Variants in SNX8 observed in about 807,000 individuals in gnomAD.
SNX8 encodes the protein sorting nexin 8.
SNX8 carries 25 observed loss-of-function variants against 51.6 expected under a neutral mutation model. That is an observed-to-expected ratio of 0.48 (90% CI 0.35 to 0.68). The LOEUF is 0.68. Among genes scored for constraint, SNX8 ranks in the 30% least tolerant of loss-of-function variants. SNX8 has a pLI of 0.00. For missense variants in SNX8, 695 were observed against 624.0 expected, an observed-to-expected ratio of 1.11 and a Z score of -1.21; for synonymous variants, 324 against 277.0, an observed-to-expected ratio of 1.17 and a Z score of -1.68.
chr7:2,311,472 C>T (rs1402325342), intron 1 of SNX8, among the ~76,000 whole-genome samples: 3 of 152,198 alleles, frequency 2.0e-5, no homozygotes, highest in African/African-American at 4.8e-5. Flanking sequence ...ATCCTCCCTC[C>T]TCAGCCTCCC....
intron 8 of SNX8, 93 bp from the exon 9 acceptor site, chr7:2,257,607 AG>A (rs1795222405): frequency 6.4e-7 from 1 of 1,571,110 alleles, no homozygotes; most frequent in African/African-American, 1.3e-5. Flanking sequence ...GCCAGACGGA[AG>A]GCCCCGTCTT....
At chr7:2,267,299 GCCCTCTCCCTCC>G (rs1198361483) in intron 5 of SNX8, among the ~76,000 whole-genome samples, 84 of 145,590 alleles carry the variant, frequency 5.8e-4, no homozygotes, top group African/African-American at 1.9e-3. Context: ...AAATACCTTG[GCCCTCTCCCTCC>G]CCCTCCCCCT....
intron 4 of SNX8, among the ~76,000 whole-genome samples, chr7:2,270,466 A>G (rs111598788): frequency 0.02 from 2,991 of 152,008 alleles, 39 homozygotes; most frequent in South Asian, 0.043. Flanking sequence ...ATCTCTAAAA[A>G]CAGAAAGCAA....
chr7:2,340,884 A>C (rs1012666267), intron 1 of SNX8, among the ~76,000 whole-genome samples: 1 of 128,890 alleles, frequency 7.8e-6, no homozygotes, highest in Non-Finnish European at 1.6e-5. Context: ...AAAAAAAAAA[A>C]CTCTAAAGCT....
intron 1 of SNX8, among the ~76,000 whole-genome samples, chr7:2,347,926 G>C (rs960384095): frequency 4.6e-5 from 7 of 152,090 alleles, no homozygotes; most frequent in Non-Finnish European, 1.0e-4. Flanking sequence ...ACAGGCGTGA[G>C]CCACCACGCC....
At chr7:2,351,064 C>T (rs556053356) in intron 1 of SNX8, among the ~76,000 whole-genome samples, 1 of 152,226 alleles carries the variant, frequency 6.6e-6, no homozygotes, top group Non-Finnish European at 1.5e-5. Flanking sequence ...CTGCAGTGAG[C>T]CATGATTGCG....
At chr7:2,282,034 C>G (rs1024800383) in intron 1 of SNX8, among the ~76,000 whole-genome samples, 6 of 152,220 alleles carry the variant, frequency 3.9e-5, no homozygotes, top group South Asian at 2.1e-4. Context: ...CGCTCACTAT[C>G]TGTGAGACCC....
chr7:2,326,512 A>G (rs1778624118), intron 1 of SNX8, among the ~76,000 whole-genome samples: 1 of 151,638 alleles, frequency 6.6e-6, no homozygotes, highest in South Asian at 2.1e-4. Flanking sequence ...AAAAATACAA[A>G]AAAATTAGCC....
chr7:2,339,550 A>C (rs1001387716), intron 1 of SNX8, among the ~76,000 whole-genome samples: 1 of 152,184 alleles, frequency 6.6e-6, no homozygotes, highest in Non-Finnish European at 1.5e-5. Context: ...AACTATTCAC[A>C]GATAGCAAAG....
chr7:2,337,677 G>A (rs1407789004), intron 1 of SNX8, among the ~76,000 whole-genome samples: 1 of 151,822 alleles, frequency 6.6e-6, no homozygotes, highest in African/African-American at 2.4e-5. Flanking sequence ...ATGCAAATAC[G>A]AGAAAACATG....
At chr7:2,287,683 G>A (rs1796062624) in intron 1 of SNX8, among the ~76,000 whole-genome samples, 2 of 152,030 alleles carry the variant, frequency 1.3e-5, no homozygotes, top group African/African-American at 2.4e-5. Context: ...CCCAGAAGGT[G>A]GAGGTTGCAC....
At chr7:2,267,646 T>G (rs1795503136) in intron 5 of SNX8, among the ~76,000 whole-genome samples, 4 of 148,728 alleles carry the variant, frequency 2.7e-5, no homozygotes, top group African/African-American at 9.9e-5. Flanking sequence ...TGCAGTGACG[T>G]GATCTCGGCT....
chr7:2,347,427 G>A (rs571236317), intron 1 of SNX8, among the ~76,000 whole-genome samples: 10 of 141,546 alleles, frequency 7.1e-5, no homozygotes, highest in Non-Finnish European at 1.1e-4. Flanking sequence ...ATTGCAGGGA[G>A]CCAAGATAGC....
intron 3 of SNX8, among the ~76,000 whole-genome samples, chr7:2,273,176 G>A (rs1445491938): frequency 6.6e-6 from 1 of 152,090 alleles, no homozygotes; most frequent in Non-Finnish European, 1.5e-5. Context: ...ACAGCCAGGA[G>A]TGTGGCTCAC....
upstream of SNX8, among the ~76,000 whole-genome samples, chr7:2,318,099 G>A (rs1212321547): frequency 6.6e-6 from 1 of 152,096 alleles, no homozygotes; most frequent in Non-Finnish European, 1.5e-5. Flanking sequence ...AGGCTGGACT[G>A]TAGCTGCCCA....
upstream of SNX8, among the ~76,000 whole-genome samples, chr7:2,316,011 TC>T (rs1381931475): frequency 2.7e-5 from 4 of 149,564 alleles, no homozygotes; most frequent in Non-Finnish European, 5.9e-5. Flanking sequence ...CATCCTGCAT[TC>T]ATTCACCCAC....
intron 1 of SNX8, among the ~76,000 whole-genome samples, chr7:2,325,789 G>A (rs1450400658): frequency 1.3e-5 from 2 of 152,004 alleles, no homozygotes; most frequent in African/African-American, 2.4e-5. Flanking sequence ...CCAAGATCGT[G>A]CCACTGCACC....
At chr7:2,311,457 G>A (rs1275466405) in intron 1 of SNX8, among the ~76,000 whole-genome samples, 4 of 152,050 alleles carry the variant, frequency 2.6e-5, no homozygotes, top group East Asian at 3.9e-4. Context: ...GCCTGGGCTC[G>A]GGCGATCCTC....
At chr7:2,325,858 A>C (rs191624265) in intron 1 of SNX8, among the ~76,000 whole-genome samples, 138 of 152,262 alleles carry the variant, frequency 9.1e-4, no homozygotes, top group Non-Finnish European at 4.0e-4. Flanking sequence ...AATAAAAATA[A>C]AAAAATAAAA....
Sources: gnomAD v4.1 joint callset for allele counts (sites outside exome capture counted in the v4.1 genomes callset) on GRCh38, gnomAD v4.1.1 for gene constraint, MANE v1.5 for transcripts, NCBI Gene and HGNC (gene_info 2026-07-23, HGNC 2026-07-21) for gene names.